The following TSHZ2 variants were observed in gnomAD, a reference collection of about 807,000 sequenced individuals.
TSHZ2 encodes the protein teashirt zinc finger homeobox 2, also known as teashirt homolog 2.
In TSHZ2, 21 loss-of-function variants were observed where a neutral mutation model predicts 74.4. The ratio of observed to expected loss-of-function variants is 0.28; its 90% CI spans 0.20 to 0.41. The LOEUF is 0.41. TSHZ2 is among the 10% of genes least tolerant of loss of function. The pLI is 1.00. For missense variants in TSHZ2, 1,244 were observed against 1,293.5 expected (o/e 0.96, Z 0.59); for synonymous variants, 540 against 515.3 (o/e 1.05, Z -0.65).
intron 1 of TSHZ2, among the ~76,000 whole-genome samples, chr20:53,067,232 C>G (rs1361547035): frequency 6.6e-6 from 1 of 152,150 alleles, no homozygotes; most frequent in Non-Finnish European, 1.5e-5. Context: ...GATCCTCCCC[C>G]TTGCCCCCCA....
At chr20:53,085,902 C>A (rs1238041449) in intron 1 of TSHZ2, among the ~76,000 whole-genome samples, 2 of 152,212 alleles carry the variant, frequency 1.3e-5, no homozygotes. Flanking sequence ...GCCAGGCAGA[C>A]CTTCATGAGG....
intron 2 of TSHZ2, chr20:53,398,874 T>C (rs1217765245): frequency 6.6e-6 from 1 of 152,232 alleles, no homozygotes; most frequent in Non-Finnish European, 1.5e-5. Context: ...GAAGATTAAA[T>C]ATTATGCATG....
At chr20:53,243,222 G>T (rs1990113856) in intron 1 of TSHZ2, among the ~76,000 whole-genome samples, 1 of 152,076 alleles carries the variant, frequency 6.6e-6, no homozygotes, top group South Asian at 2.1e-4. Flanking sequence ...CTTAAAGAAG[G>T]AAAGAATTTG....
intron 2 of TSHZ2, among the ~76,000 whole-genome samples, chr20:53,375,007 T>A (rs746995192): frequency 6.6e-6 from 1 of 152,138 alleles, no homozygotes; most frequent in African/African-American, 2.4e-5. Flanking sequence ...GGCATATTTT[T>A]AAAATCTATT....
intron 1 of TSHZ2, among the ~76,000 whole-genome samples, chr20:53,209,316 ACCTCAGGTAATCCACCTG>A (rs1164400378): frequency 1.3e-5 from 2 of 151,948 alleles, no homozygotes; most frequent in African/African-American, 2.4e-5. Flanking sequence ...CGAACTCCTG[ACCTCAGGTAATCCACCTG>A]CCTCAGCCTC....
intron 2 of TSHZ2, among the ~76,000 whole-genome samples, chr20:53,355,200 T>A (rs1980800243): frequency 6.6e-6 from 1 of 152,162 alleles, no homozygotes; most frequent in African/African-American, 2.4e-5. Flanking sequence ...AAAAAATAAC[T>A]ACAAATGATA....
At chr20:53,251,669 A>G (rs185546281) in intron 1 of TSHZ2, among the ~76,000 whole-genome samples, 17 of 152,324 alleles carry the variant, frequency 1.1e-4, no homozygotes, top group African/African-American at 4.1e-4. Context: ...GCAGTAAAAT[A>G]ACTAACACAA....
At position 53,367,801 on chromosome 20, in the gene TSHZ2, G is replaced by GACCTCGTGATCCACCC. The variant is rs761786980; in HGVS notation, c.*8+111237_*8+111252dup. On this transcript the variant is annotated intron_variant, in intron 2 of 2. Coordinates refer to ENST00000371497, the MANE Select transcript of TSHZ2 (RefSeq NM_173485.6). Reference sequence around the variant, plus strand: ...TTAGCCAGGATGGTCTCAATCTCCTGACCTCGTGATCCACCCACCTCGGCC... The same window carrying GACCTCGTGATCCACCC: ...TTAGCCAGGATGGTCTCAATCTCCTGACCTCGTGATCCACCCACCTCGTGATCCACCCACCTCGGCC... Among the ~76,000 whole-genome samples, 6 of 152,122 alleles carry GACCTCGTGATCCACCC rather than the reference G, an allele frequency of 3.9e-5. No individual in the cohort carries two copies. The South Asian group carries it at 6.2e-4, about 16-fold the overall frequency.
chr20:53,103,184 TA>T (rs1986267398), intron 1 of TSHZ2, among the ~76,000 whole-genome samples: 1 of 152,288 alleles, frequency 6.6e-6, no homozygotes, highest in Non-Finnish European at 1.5e-5. Context: ...AGAAGTAACA[TA>T]AAAGCTAATA....
At chr20:53,332,363 T>G (rs1209181777) in intron 2 of TSHZ2, among the ~76,000 whole-genome samples, 1 of 152,036 alleles carries the variant, frequency 6.6e-6, no homozygotes, top group East Asian at 1.9e-4. Flanking sequence ...AACAGCATGT[T>G]CAAAGGTCCT....
Position 52,973,299 on chromosome 20 carries a change from G to C in TSHZ2, c.6G>C (p.Pro2=). 2 of 1,553,068 alleles carry C rather than the reference G, an allele frequency of 1.3e-6. No homozygotes were observed. Among genetic ancestry groups the C allele is most frequent in the South Asian group, 1.2e-5 (1 of 84,178 alleles). Residue 2 remains proline (P), a synonymous_variant, in exon 1 of 3, where the codon CCG becomes CCC. Coordinates refer to ENST00000371497, the MANE Select transcript of TSHZ2 (RefSeq NM_173485.6). M[P]RRKQQAPKRA... is the part of the protein sequence containing the mutation. ...GGACTGGAGCGAAGTAGAGGATGCC[G>C]AGGAGAAAACAGCAGGCACCCAAGC... is the stretch of plus-strand genomic sequence containing the variant.
chr20:53,479,498 T>C (rs1028188019), intron 2 of TSHZ2, among the ~76,000 whole-genome samples: 1 of 152,122 alleles, frequency 6.6e-6, no homozygotes, highest in Non-Finnish European at 1.5e-5. Flanking sequence ...TTGAGGATCA[T>C]GAACAGTAAT....
intron 1 of TSHZ2, among the ~76,000 whole-genome samples, chr20:53,181,056 C>T (rs1418074878): frequency 6.6e-6 from 1 of 152,120 alleles, no homozygotes; most frequent in Non-Finnish European, 1.5e-5. Context: ...CTTTCTTTTT[C>T]ACATGTTCCT....
intron 2 of TSHZ2, among the ~76,000 whole-genome samples, chr20:53,357,064 A>G (rs1980873724): frequency 6.6e-6 from 1 of 152,174 alleles, no homozygotes; most frequent in African/African-American, 2.4e-5. Flanking sequence ...TCAAAACCAA[A>G]GGGACAGTTC....
intron 2 of TSHZ2, among the ~76,000 whole-genome samples, chr20:53,288,778 G>A (rs546495464): frequency 1.3e-5 from 2 of 152,258 alleles, no homozygotes; most frequent in Admixed American, 1.3e-4. Context: ...GCAATAGAGA[G>A]GAAGGCTATT....
intron 1 of TSHZ2, among the ~76,000 whole-genome samples, chr20:53,177,130 T>G (rs1040740923): frequency 4.6e-5 from 7 of 152,082 alleles, no homozygotes; most frequent in Admixed American, 1.3e-4. Context: ...GTGATCCTCC[T>G]GCCTCAGCCT....
chr20:53,131,608 TC>T (rs1329204159), intron 1 of TSHZ2, among the ~76,000 whole-genome samples: 2 of 152,194 alleles, frequency 1.3e-5, no homozygotes, highest in Non-Finnish European at 2.9e-5. Context: ...CACCCTCTGT[TC>T]TTGCTCCTGT....
chr20:53,300,227 G>A (rs1991455015), intron 2 of TSHZ2, among the ~76,000 whole-genome samples: 1 of 152,088 alleles, frequency 6.6e-6, no homozygotes, highest in Admixed American at 6.5e-5. Flanking sequence ...TTAGGAGAGA[G>A]GGAAAAAAAA....
chr20:53,460,833 G>C (rs1288760138), intron 2 of TSHZ2, among the ~76,000 whole-genome samples: 1 of 152,170 alleles, frequency 6.6e-6, no homozygotes, highest in Non-Finnish European at 1.5e-5. Flanking sequence ...TGCCCCTGCT[G>C]GGGGGTGCCT....
Sources: gnomAD v4.1 joint callset for allele counts (sites outside exome capture counted in the v4.1 genomes callset) on GRCh38, gnomAD v4.1.1 for gene constraint, MANE v1.5 for transcripts, NCBI Gene and HGNC (gene_info 2026-07-23, HGNC 2026-07-21) for gene names.